The following TET2 variants were observed in gnomAD, a reference collection of about 807,000 sequenced individuals.
TET2 encodes the protein tet methylcytosine dioxygenase 2.
TET2 carries 299 observed loss-of-function variants against 142.9 expected under a neutral mutation model. That is an observed-to-expected ratio of 2.09 (90% CI 1.90 to 2.30). The LOEUF is 2.30. Among genes scored for constraint, TET2 ranks in the 30% most tolerant of loss-of-function variants. The probability of loss-of-function intolerance (pLI) is 0.00; values close to 1 mark genes in which losing one functional copy is unlikely to be tolerated. For missense variants in TET2, 2,418 were observed against 2,378.0 expected, an observed-to-expected ratio of 1.02 and a Z score of -0.35; for synonymous variants, 819 against 849.0, an observed-to-expected ratio of 0.96 and a Z score of 0.61.
intron 2 of TET2, among the ~76,000 whole-genome samples, chr4:105,195,598 G>C (rs977142211): frequency 2.0e-5 from 3 of 151,994 alleles, no homozygotes; most frequent in South Asian, 2.1e-4. Flanking sequence ...ATCATCTCTC[G>C]ATTATTTATA....
At position 105,250,380 on chromosome 4, in the gene TET2, A is replaced by ATTTTTTTTTTTT. The variant is rs59695275; in HGVS notation, c.3803+6622_3803+6633dup. Among the ~76,000 whole-genome samples the ATTTTTTTTTTTT allele has an allele frequency of 1.7e-4, 10 of 60,276 alleles. 2 individuals carry two copies. Among genetic ancestry groups the ATTTTTTTTTTTT allele is most frequent in the Non-Finnish European group, 2.8e-4 (10 of 35,780 alleles). The allele number at this position is 60,276 out of a possible 152,430, so 39.5% of individuals were successfully genotyped here. ...ATCAGCTTCTCCGTTTCCTTTCTGG[A>ATTTTTTTTTTTT]TTTTTTTTTTTTTTTTTTTTTTTTT... On this transcript the variant is annotated intron_variant, in intron 6 of 10. Coordinates refer to ENST00000380013, the MANE Select transcript of TET2 (RefSeq NM_001127208.3).
intron 1 of TET2, among the ~76,000 whole-genome samples, chr4:105,155,829 T>C (rs1224137282): frequency 6.6e-6 from 1 of 152,228 alleles, no homozygotes; most frequent in Non-Finnish European, 1.5e-5. Context: ...ACTTGTTCAA[T>C]GAGTAACTAT....
intron 1 of TET2, among the ~76,000 whole-genome samples, chr4:105,182,466 T>C (rs1298069109): frequency 6.6e-6 from 1 of 152,224 alleles, no homozygotes; most frequent in Non-Finnish European, 1.5e-5. Context: ...AAGGGAGACG[T>C]CTACTTGTCG....
chr4:105,272,434 T>A, intron 9 of TET2, 130 bp from the exon 10 acceptor site: 1 of 623,668 alleles, frequency 1.6e-6, no homozygotes, highest in East Asian at 2.8e-5. Context: ...TGGTAATATA[T>A]ATGTCACTGA....
chr4:105,160,933 GCCC>G lies in TET2; in HGVS notation c.-193+13955_-193+13957del, dbSNP rs1411568549. 2.0e-5 allele frequency among the ~76,000 whole-genome samples: 3 copies of G among 152,058 alleles called. No individual in the cohort carries two copies. The East Asian group carries it at 5.8e-4, about 29-fold the overall frequency. On this transcript the variant is annotated intron_variant, in intron 1 of 10. Coordinates refer to ENST00000380013, the MANE Select transcript of TET2 (RefSeq NM_001127208.3). ...TGGGATTACAGGCACTCGCCACCAC[GCCC>G]GGCTAATTTTTGTATTTTTAGTAGA...
intron 2 of TET2, among the ~76,000 whole-genome samples, chr4:105,197,714 T>A (rs144335888): frequency 4.6e-5 from 7 of 152,322 alleles, no homozygotes; most frequent in African/African-American, 1.7e-4. Flanking sequence ...ACATCAAATG[T>A]AGAATTAAAT....
Position 105,272,576 on chromosome 4 carries a change from AC to A in TET2, c.4196del (p.Thr1399IlefsTer49). On this transcript the variant is annotated frameshift_variant, in exon 10 of 11. Transcript: ENST00000380013. LOFTEE classifies it high-confidence loss of function. ...ACTTCCCTACCAGGTATGCACTCTC[AC>A]TAGAGAAGACAATCGAGAATTTGGA... The part of the protein sequence containing the change: ...QNGSTLVCTL[T>X]REDNREFGGK... The A allele has an allele frequency of 6.5e-7, 1 of 1,535,962 alleles. No homozygotes were observed. Among genetic ancestry groups the A allele is most frequent in the Non-Finnish European group, 8.8e-7 (1 of 1,140,434 alleles).
intron 2 of TET2, among the ~76,000 whole-genome samples, chr4:105,191,741 C>T (rs1725802201): frequency 6.6e-6 from 1 of 152,080 alleles, no homozygotes; most frequent in Admixed American, 6.6e-5. Flanking sequence ...TCCCATGATT[C>T]CTGGATGTTG....
intron 6 of TET2, among the ~76,000 whole-genome samples, chr4:105,256,011 T>G (rs1730110025): frequency 6.6e-6 from 1 of 152,134 alleles, no homozygotes; most frequent in South Asian, 2.1e-4. Context: ...AAGGAAACTT[T>G]GTTCCCATAT....
chr4:105,153,421 C>A (rs1723410124), intron 1 of TET2, among the ~76,000 whole-genome samples: 1 of 149,898 alleles, frequency 6.7e-6, no homozygotes, highest in African/African-American at 2.4e-5. Flanking sequence ...ATTTATCAAT[C>A]TTGTGATTGT....
chr4:105,237,353 T>A lies in TET2; in HGVS notation c.3409+2T>A, dbSNP rs1410986909. 1.2e-6 allele frequency: 2 copies of A among 1,614,022 alleles called. No individual in the cohort carries two copies. The highest frequency in any genetic ancestry group is 1.7e-6 in the Non-Finnish European group (2 of 1,180,000). On this transcript the variant is annotated splice_donor_variant, in intron 3 of 10. Transcript: ENST00000380013. LOFTEE classifies it high-confidence loss of function. ...ATTTCCCATCTTGCAGATGTGTAGG[T>A]AAGTGCCAGAAATGTACTGAGACAC...
chr4:105,249,175 C>T (rs1035692555), intron 6 of TET2, among the ~76,000 whole-genome samples: 1 of 151,942 alleles, frequency 6.6e-6, no homozygotes, highest in African/African-American at 2.4e-5. Context: ...TACAGTTGTG[C>T]ACCACCACAC....
At chr4:105,214,967 G>A (rs1231371416) in intron 2 of TET2, among the ~76,000 whole-genome samples, 1 of 152,138 alleles carries the variant, frequency 6.6e-6, no homozygotes, top group Non-Finnish European at 1.5e-5. Context: ...AAGTTCTGGA[G>A]GCCTGGATTT....
chr4:105,167,756 T>C (rs1560719852), intron 1 of TET2, among the ~76,000 whole-genome samples: 1 of 152,174 alleles, frequency 6.6e-6, no homozygotes, highest in Non-Finnish European at 1.5e-5. Context: ...CCCTTGGAGA[T>C]TCTTTGGTTG....
intron 2 of TET2, among the ~76,000 whole-genome samples, chr4:105,217,984 A>G (rs1397423910): frequency 1.3e-5 from 2 of 152,118 alleles, no homozygotes; most frequent in Non-Finnish European, 2.9e-5. Flanking sequence ...TCTCCCGCAG[A>G]GTTGACTCGA....
chr4:105,275,786 CT>C lies in TET2; in HGVS notation c.5278del (p.Ser1760LeufsTer3). On this transcript the variant is annotated frameshift_variant, in exon 11 of 11. Coordinates refer to ENST00000380013, the MANE Select transcript of TET2 (RefSeq NM_001127208.3). LOFTEE classifies it low-confidence loss of function (END_TRUNC). The stretch of plus-strand genomic sequence containing the variant: ...TATAAAAATGGTGAACATCATTCAC[CT>C]TCTCACATAATCCATAACTACAGTG... Reference protein sequence around the residue: ...MDYKNGEHHSPSHIIHNYSAA... With the variant: ...MDYKNGEHHSXSHIIHNYSAA... 1 of 1,551,678 alleles carries C rather than the reference CT, an allele frequency of 6.4e-7. No homozygotes were observed. The highest frequency in any genetic ancestry group is 2.4e-5 in the East Asian group (1 of 40,922).
intron 1 of TET2, among the ~76,000 whole-genome samples, chr4:105,167,279 T>C (rs1160396204): frequency 6.6e-6 from 1 of 152,098 alleles, no homozygotes; most frequent in Non-Finnish European, 1.5e-5. Context: ...TATTAAATTT[T>C]GTGGGAAAAT....
chr4:105,173,609 A>G (rs544119438), intron 1 of TET2, among the ~76,000 whole-genome samples: 1 of 152,298 alleles, frequency 6.6e-6, no homozygotes, highest in East Asian at 1.9e-4. Flanking sequence ...AAGGAAATAA[A>G]GAAATTCTAG....
chr4:105,183,447 T>C (rs183356422), intron 1 of TET2, among the ~76,000 whole-genome samples: 8 of 151,622 alleles, frequency 5.3e-5, no homozygotes, highest in Admixed American at 3.3e-4. Context: ...CTTTTTCCTA[T>C]ATATATTTTT....
Sources: allele counts gnomAD v4.1 joint callset (sites outside exome capture counted in the v4.1 genomes callset), GRCh38; gene constraint gnomAD v4.1.1; transcripts MANE v1.5; gene names NCBI Gene and HGNC (gene_info 2026-07-23, HGNC 2026-07-21).